The following AGBL4 variants were observed in gnomAD, a reference collection of about 807,000 sequenced individuals.
AGBL4 encodes AGBL carboxypeptidase 4.
A neutral mutation model predicts 66.4 loss-of-function variants in AGBL4; 58 were observed. That is an observed-to-expected ratio of 0.87 (90% confidence interval 0.71 to 1.09). The LOEUF (loss-of-function observed/expected upper bound fraction) is 1.09. AGBL4 is among the 50% of genes least tolerant of loss of function. The pLI is 0.00. For missense variants in AGBL4, 579 were observed against 631.0 expected, an observed-to-expected ratio of 0.92 and a Z score of 0.88; for synonymous variants, 234 against 222.9, an observed-to-expected ratio of 1.05 and a Z score of -0.44.
intron 3 of AGBL4, among the ~76,000 whole-genome samples, chr1:49,302,613 ATTTT>A (rs2148446420): frequency 1.4e-5 from 1 of 74,036 alleles, no homozygotes; most frequent in African/African-American, 1.2e-4. Flanking sequence ...TTATTTTTTT[ATTTT>A]ATTTTATTTT....
At position 49,479,695 on chromosome 1, in the gene AGBL4, C is replaced by A. The variant is rs1469295269; in HGVS notation, c.282+217618G>T. ...GTGTATATGTACCACATTTTCTTTT[C>A]TTTTTTTCTTTTTTTTTTTTTTTTG... On this transcript the variant is annotated intron_variant, in intron 3 of 13. Coordinates refer to ENST00000371839, the MANE Select transcript of AGBL4 (RefSeq NM_032785.4). Among the ~76,000 whole-genome samples the A allele has an allele frequency of 2.0e-5, 3 of 148,306 alleles. No individual in the cohort carries two copies. In the East Asian group the frequency reaches 5.9e-4, roughly 29 times the overall value.
intron 3 of AGBL4, among the ~76,000 whole-genome samples, chr1:49,653,525 G>C (rs957866159): frequency 6.6e-6 from 1 of 151,906 alleles, no homozygotes; most frequent in Non-Finnish European, 1.5e-5. Context: ...AACTTTACTA[G>C]CTAAAGGATT....
chr1:48,927,153 G>A (rs767502804), intron 5 of AGBL4, among the ~76,000 whole-genome samples: 8 of 152,176 alleles, frequency 5.3e-5, no homozygotes, highest in Non-Finnish European at 1.0e-4. Flanking sequence ...GAAGCCTGGT[G>A]TATTAGTCTG....
intron 1 of AGBL4, among the ~76,000 whole-genome samples, chr1:49,855,269 ATAT>A (rs1336914339): frequency 6.6e-6 from 1 of 152,202 alleles, no homozygotes; most frequent in Admixed American, 6.5e-5. Flanking sequence ...TATAAAGCAA[ATAT>A]TATTAAAGCT....
intron 11 of AGBL4, among the ~76,000 whole-genome samples, chr1:48,556,783 T>A (rs1279129819): frequency 6.6e-6 from 1 of 152,148 alleles, no homozygotes; most frequent in Non-Finnish European, 1.5e-5. Context: ...CTATTTCTTT[T>A]TTGTTTTGTT....
intron 6 of AGBL4, among the ~76,000 whole-genome samples, chr1:48,796,548 C>A (rs1370799178): frequency 6.6e-6 from 1 of 152,114 alleles, no homozygotes; most frequent in Non-Finnish European, 1.5e-5. Context: ...TTGTGGGGAT[C>A]CAGAGTATCC....
chr1:49,182,994 G>A (rs1646955103), intron 4 of AGBL4, among the ~76,000 whole-genome samples: 1 of 152,058 alleles, frequency 6.6e-6, no homozygotes, highest in Admixed American at 6.6e-5. Flanking sequence ...GTGACAAAAT[G>A]GCAATTTCAC....
At chr1:49,936,388 A>T (rs1654022751) in intron 1 of AGBL4, among the ~76,000 whole-genome samples, 1 of 152,236 alleles carries the variant, frequency 6.6e-6, no homozygotes, top group Admixed American at 6.5e-5. Context: ...GACGGGGAGA[A>T]TGGAACCAAG....
chr1:49,272,964 C>T (rs1467976529), intron 3 of AGBL4, among the ~76,000 whole-genome samples: 4 of 151,988 alleles, frequency 2.6e-5, no homozygotes, highest in East Asian at 3.8e-4. Flanking sequence ...TTTAGTCAGA[C>T]GAGTTTATAC....
intron 3 of AGBL4, among the ~76,000 whole-genome samples, chr1:49,351,665 G>T (rs932350624): frequency 6.6e-6 from 1 of 152,106 alleles, no homozygotes; most frequent in Non-Finnish European, 1.5e-5. Context: ...ATTTTATACA[G>T]ATTTTTTGTT....
At chr1:49,680,979 T>C (rs1422776793) in intron 3 of AGBL4, among the ~76,000 whole-genome samples, 2 of 152,126 alleles carry the variant, frequency 1.3e-5, no homozygotes, top group Non-Finnish European at 2.9e-5. Flanking sequence ...ACTGACACTT[T>C]CCTTTGTCCT....
At chr1:49,661,490 C>T (rs1251953841) in intron 3 of AGBL4, among the ~76,000 whole-genome samples, 2 of 152,078 alleles carry the variant, frequency 1.3e-5, no homozygotes, top group South Asian at 2.1e-4. Flanking sequence ...TCCCTTCTCT[C>T]GCTCTTGCAC....
intron 6 of AGBL4, among the ~76,000 whole-genome samples, chr1:48,749,888 A>C (rs1379962357): frequency 1.3e-5 from 2 of 152,214 alleles, no homozygotes; most frequent in Non-Finnish European, 2.9e-5. Context: ...AATGCATGTA[A>C]AATGGACCAC....
intron 3 of AGBL4, among the ~76,000 whole-genome samples, chr1:49,681,255 G>A (rs1372814599): frequency 6.6e-6 from 1 of 152,084 alleles, no homozygotes; most frequent in Non-Finnish European, 1.5e-5. Flanking sequence ...CCCAGTTCTT[G>A]CTATGACAGA....
chr1:48,702,487 C>G (rs1646817969), intron 6 of AGBL4, among the ~76,000 whole-genome samples: 1 of 151,962 alleles, frequency 6.6e-6, no homozygotes, highest in African/African-American at 2.4e-5. Context: ...AGACAAGGTT[C>G]CACCATGTTG....
At chr1:49,061,705 C>T (rs1409682158) in intron 4 of AGBL4, among the ~76,000 whole-genome samples, 1 of 152,072 alleles carries the variant, frequency 6.6e-6, no homozygotes, top group Non-Finnish European at 1.5e-5. Context: ...AAAGCAAAAG[C>T]CCACAATACA....
At chr1:49,296,401 C>G (rs1009547933) in intron 3 of AGBL4, among the ~76,000 whole-genome samples, 29 of 152,098 alleles carry the variant, frequency 1.9e-4, no homozygotes, top group African/African-American at 7.0e-4. Flanking sequence ...TCCCTCTACC[C>G]CAAACTCTCA....
At chr1:48,857,984 A>G (rs1647219377) in intron 6 of AGBL4, among the ~76,000 whole-genome samples, 1 of 152,220 alleles carries the variant, frequency 6.6e-6, no homozygotes, top group African/African-American at 2.4e-5. Context: ...ATAAAAAGAC[A>G]AATATAGTCC....
At chr1:49,881,993 T>C (rs1647380556) in intron 1 of AGBL4, among the ~76,000 whole-genome samples, 1 of 152,058 alleles carries the variant, frequency 6.6e-6, no homozygotes, top group African/African-American at 2.4e-5. Context: ...AATACCTAGG[T>C]TTTCTTCTAG....
Sources: gnomAD v4.1 joint callset for allele counts (sites outside exome capture counted in the v4.1 genomes callset) on GRCh38, gnomAD v4.1.1 for gene constraint, MANE v1.5 for transcripts, NCBI Gene and HGNC (gene_info 2026-07-23, HGNC 2026-07-21) for gene names.